The following PLEKHA6 variants were observed in gnomAD, a reference collection of about 807,000 sequenced individuals.
PLEKHA6 encodes pleckstrin homology domain-containing family A member 6.
In PLEKHA6, 60 loss-of-function variants were observed where a neutral mutation model predicts 116.7. The ratio of observed to expected loss-of-function variants is 0.51; its 90% CI spans 0.42 to 0.64. The LOEUF is 0.64. Ranked by LOEUF, PLEKHA6 falls within the 30% of genes least tolerant of loss-of-function variation. The pLI is 0.00. For missense variants in PLEKHA6, 1,338 were observed against 1,422.7 expected (o/e 0.94, Z 0.96); for synonymous variants, 489 against 556.1 (o/e 0.88, Z 1.70).
chr1:204,263,407 C>T (rs997672456), intron 6 of PLEKHA6, among the ~76,000 whole-genome samples: 11 of 152,172 alleles, frequency 7.2e-5, no homozygotes, highest in African/African-American at 2.2e-4. Context: ...CCAAGAGTTT[C>T]GCTCGGTGGC....
chr1:204,233,547 C>A (rs1661520923), intron 17 of PLEKHA6, among the ~76,000 whole-genome samples: 1 of 152,064 alleles, frequency 6.6e-6, no homozygotes, highest in Admixed American at 6.5e-5. Context: ...CACCATGATC[C>A]ACCAGCCTCG....
intron 6 of PLEKHA6, among the ~76,000 whole-genome samples, chr1:204,263,427 A>G (rs748930015): frequency 3.9e-5 from 6 of 152,136 alleles, no homozygotes; most frequent in Non-Finnish European, 7.4e-5. Flanking sequence ...CCACAACAGG[A>G]CAAGCCTCCC....
Position 204,308,793 on chromosome 1 carries a change from A to G in PLEKHA6, c.-94-33984T>C, listed in dbSNP as rs1173730147. ...AAGCTCCGCCTCCCGGGTTCACGCC[A>G]TTCTCCTCCCTCAGCCTCCCGAGTA... On this transcript the variant is annotated intron_variant, in intron 1 of 22. Transcript: ENST00000272203. Among the ~76,000 whole-genome samples the G allele has an allele frequency of 9.0e-5, 12 of 133,418 alleles. No homozygotes were observed. The Admixed American group carries it at 1.0e-3, about 11-fold the overall frequency. 87.5% of individuals were successfully genotyped at this position (133,418 alleles called of 152,430 possible). A position where few individuals can be genotyped will look rare whatever the true frequency, so the allele number is the denominator to read the frequency against.
intron 1 of PLEKHA6, chr1:204,299,664 G>A (rs1670627299): frequency 1.0e-6 from 1 of 984,504 alleles, no homozygotes; most frequent in African/African-American, 1.7e-5. Context: ...TACTGTCTTA[G>A]GGCCTCACAG....
intron 1 of PLEKHA6, among the ~76,000 whole-genome samples, chr1:204,278,315 C>A (rs1352683820): frequency 6.6e-6 from 1 of 152,246 alleles, no homozygotes; most frequent in Non-Finnish European, 1.5e-5. Context: ...GCTATCTTAT[C>A]CTGCCAAGAT....
At chr1:204,345,750 C>G (rs1033679925) in intron 1 of PLEKHA6, among the ~76,000 whole-genome samples, 1 of 152,196 alleles carries the variant, frequency 6.6e-6, no homozygotes, top group East Asian at 1.9e-4. Context: ...TTCTGCTCCC[C>G]CTGACCCCAG....
intron 17 of PLEKHA6, among the ~76,000 whole-genome samples, chr1:204,230,897 C>T (rs1253847795): frequency 3.3e-5 from 5 of 152,156 alleles, no homozygotes; most frequent in Non-Finnish European, 5.9e-5. Flanking sequence ...GGTTCATTTA[C>T]TCAGAAAGGA....
intron 2 of PLEKHA6, among the ~76,000 whole-genome samples, chr1:204,370,871 T>C (rs1408200021): frequency 6.6e-6 from 1 of 151,998 alleles, no homozygotes; most frequent in South Asian, 2.1e-4. Context: ...CTGGCCAACA[T>C]GGCAAAACCC....
chr1:204,251,195 A>G (rs958094079), intron 9 of PLEKHA6, among the ~76,000 whole-genome samples: 3 of 152,102 alleles, frequency 2.0e-5, no homozygotes, highest in Non-Finnish European at 4.4e-5. Context: ...GTTCCATTAC[A>G]CCCCTCATGC....
At chr1:204,247,023 C>T (rs1663789820) in intron 13 of PLEKHA6, among the ~76,000 whole-genome samples, 1 of 152,144 alleles carries the variant, frequency 6.6e-6, no homozygotes. Context: ...GTGGTCCCAG[C>T]TACTCAGGAG....
At chr1:204,229,463 G>A (rs1300565449) in intron 18 of PLEKHA6, among the ~76,000 whole-genome samples, 3 of 152,114 alleles carry the variant, frequency 2.0e-5, no homozygotes, top group Non-Finnish European at 4.4e-5. Flanking sequence ...ACTCTAGCTG[G>A]AGTACAGTCA....
At chr1:204,232,288 G>A (rs949173737) in intron 17 of PLEKHA6, among the ~76,000 whole-genome samples, 14 of 152,178 alleles carry the variant, frequency 9.2e-5, no homozygotes, top group Admixed American at 3.3e-4. Context: ...GAAAAGAACC[G>A]TTAAGCCAAG....
intron 1 of PLEKHA6, chr1:204,346,820 C>G: frequency 7.7e-7 from 1 of 1,295,614 alleles, no homozygotes; most frequent in South Asian, 1.2e-5. Flanking sequence ...AGCTCAGGCT[C>G]CTTCCCATTG....
intron 2 of PLEKHA6, among the ~76,000 whole-genome samples, chr1:204,370,683 CTTTCATGT>C (rs539373332): frequency 1.1e-4 from 16 of 152,322 alleles, no homozygotes; most frequent in African/African-American, 3.8e-4. Context: ...GCCTTGTCCC[CTTTCATGT>C]TTCTCCTCAG....
At chr1:204,302,365 T>G (rs2103093600) in intron 1 of PLEKHA6, among the ~76,000 whole-genome samples, 1 of 152,354 alleles carries the variant, frequency 6.6e-6, no homozygotes, top group South Asian at 2.1e-4. Context: ...TGTGTCATGT[T>G]GCCCAGGCTG....
chr1:204,371,384 A>G (rs927319876), intron 2 of PLEKHA6: 1 of 152,260 alleles, frequency 6.6e-6, no homozygotes, highest in African/African-American at 2.4e-5. Context: ...TCTCCCCCAG[A>G]TGGCAGGCAG....
intron 1 of PLEKHA6, among the ~76,000 whole-genome samples, chr1:204,287,790 G>A (rs1057474657): frequency 3.9e-5 from 6 of 152,220 alleles, no homozygotes; most frequent in African/African-American, 1.4e-4. Context: ...ATGGCTCAGA[G>A]AGAAGGAGGA....
intron 1 of PLEKHA6, among the ~76,000 whole-genome samples, chr1:204,275,438 C>T (rs1298566963): frequency 6.6e-6 from 1 of 152,066 alleles, no homozygotes; most frequent in Non-Finnish European, 1.5e-5. Context: ...AGTGCTGGCT[C>T]AACAGTCCAG....
chr1:204,337,532 C>G (rs1163726682), intron 1 of PLEKHA6, among the ~76,000 whole-genome samples: 1 of 152,104 alleles, frequency 6.6e-6, no homozygotes, highest in African/African-American at 2.4e-5. Flanking sequence ...AACAAGTGAG[C>G]ATGAGATGAG....
Sources: allele counts gnomAD v4.1 joint callset (sites outside exome capture counted in the v4.1 genomes callset), GRCh38; gene constraint gnomAD v4.1.1; transcripts MANE v1.5; gene names NCBI Gene and HGNC (gene_info 2026-07-23, HGNC 2026-07-21).